Variants in FGF12 observed in about 807,000 individuals in gnomAD.
FGF12 encodes fibroblast growth factor 12B.
In FGF12, 14 loss-of-function variants were observed where a neutral mutation model predicts 23.6. The observed-to-expected ratio is 0.59, with a 90% CI of 0.39 to 0.93. The LOEUF (loss-of-function observed/expected upper bound fraction) is 0.93. Among genes scored for constraint, FGF12 ranks in the 40% least tolerant of loss-of-function variants. The pLI is 0.00. For missense variants in FGF12, 175 were observed against 217.8 expected (o/e 0.80, Z 1.24); for synonymous variants, 62 against 77.3 (o/e 0.80, Z 1.04).
intron 4 of FGF12, among the ~76,000 whole-genome samples, chr3:192,222,355 G>A (rs1238669626): frequency 6.6e-6 from 1 of 152,152 alleles, no homozygotes; most frequent in East Asian, 1.9e-4. Context: ...AGAATGTCCA[G>A]AGGAAAATCA....
chr3:192,634,682 C>T (rs1485479116), intron 2 of FGF12, among the ~76,000 whole-genome samples: 1 of 151,830 alleles, frequency 6.6e-6, no homozygotes, highest in Admixed American at 6.6e-5. Context: ...AGAAGGTGTA[C>T]AATAAATCAC....
chr3:192,701,783 T>A (rs1454043793), intron 2 of FGF12, among the ~76,000 whole-genome samples: 1 of 152,198 alleles, frequency 6.6e-6, no homozygotes, highest in Non-Finnish European at 1.5e-5. Flanking sequence ...ATATTTAAAG[T>A]ATACAACATG....
rs1713409401 is a variant in FGF12, at chr3:192,141,862, C to T, written c.*2147G>A. On this transcript the variant is annotated 3_prime_UTR_variant, in exon 6 of 6. Coordinates refer to ENST00000445105, the MANE Select transcript of FGF12 (RefSeq NM_004113.6). Reference sequence around the variant, plus strand: ...CATTTCATGCTAAAAGAGCCAGTGTCCCATAGTGTTGAAGTTTCTTTTTTA... The same window carrying T: ...CATTTCATGCTAAAAGAGCCAGTGTTCCATAGTGTTGAAGTTTCTTTTTTA... The T allele has an allele frequency of 1.3e-5, 2 of 151,658 alleles. No individual in the cohort carries two copies. Among genetic ancestry groups the T allele is most frequent in the Non-Finnish European group, 2.9e-5 (2 of 67,832 alleles). The allele number at this position is 151,658 out of a possible 1,614,324, so 9.4% of individuals were successfully genotyped here.
At chr3:192,504,412 C>A (rs1334533947) in intron 2 of FGF12, among the ~76,000 whole-genome samples, 3 of 152,226 alleles carry the variant, frequency 2.0e-5, no homozygotes, top group Non-Finnish European at 4.4e-5. Context: ...TTAACATTTG[C>A]TCTCTCACTT....
chr3:192,666,391 G>A (rs1298891682), intron 2 of FGF12, among the ~76,000 whole-genome samples: 1 of 152,122 alleles, frequency 6.6e-6, no homozygotes, highest in Non-Finnish European at 1.5e-5. Context: ...ATTTCCAGAA[G>A]GATTTACAAG....
At chr3:192,686,815 A>ATTTTTTTTTTTTTTTTTTT (rs57045697) in intron 2 of FGF12, among the ~76,000 whole-genome samples, 1 of 61,434 alleles carries the variant, frequency 1.6e-5, no homozygotes, top group African/African-American at 8.2e-5. Flanking sequence ...TTTTTCTCTA[A>ATTTTTTTTTTTTTTTTTTT]TTTTTTTTTT....
intron 2 of FGF12, among the ~76,000 whole-genome samples, chr3:192,460,122 G>A (rs1274259989): frequency 6.6e-6 from 1 of 152,106 alleles, no homozygotes; most frequent in East Asian, 1.9e-4. Context: ...CCTTGTGGGA[G>A]GGGGGAGTTA....
intron 2 of FGF12, among the ~76,000 whole-genome samples, chr3:192,704,336 G>C (rs559644361): frequency 6.6e-6 from 1 of 152,286 alleles, no homozygotes; most frequent in East Asian, 1.9e-4. Flanking sequence ...TGGCTGTTGT[G>C]TTAGCAGGCA....
At chr3:192,391,549 G>A (rs1452231633) in intron 2 of FGF12, among the ~76,000 whole-genome samples, 1 of 152,176 alleles carries the variant, frequency 6.6e-6, no homozygotes. Flanking sequence ...AATCTGGACT[G>A]AAGGTATTTT....
intron 2 of FGF12, among the ~76,000 whole-genome samples, chr3:192,465,039 AT>A (rs1722972058): frequency 6.6e-6 from 1 of 152,228 alleles, no homozygotes; most frequent in Non-Finnish European, 1.5e-5. Context: ...TACAACTTCA[AT>A]TTAACATTAT....
intron 2 of FGF12, among the ~76,000 whole-genome samples, chr3:192,577,116 A>G (rs1304140340): frequency 1.3e-5 from 2 of 152,168 alleles, no homozygotes; most frequent in East Asian, 1.9e-4. Flanking sequence ...ATGATGGGTT[A>G]ATGGGTGCAG....
At chr3:192,241,302 G>A (rs1314573509) in intron 4 of FGF12, among the ~76,000 whole-genome samples, 1 of 152,142 alleles carries the variant, frequency 6.6e-6, no homozygotes, top group Non-Finnish European at 1.5e-5. Flanking sequence ...TTAAATGACT[G>A]GGTGGGAGAG....
intron 2 of FGF12, among the ~76,000 whole-genome samples, chr3:192,574,248 G>A (rs1000553013): frequency 7.9e-5 from 12 of 152,194 alleles, no homozygotes; most frequent in African/African-American, 2.9e-4. Context: ...CAAAGCCTCA[G>A]AGGAGAAAAA....
chr3:192,581,480 GTGTGTGTATATA>G (rs1397822493), intron 2 of FGF12, among the ~76,000 whole-genome samples: 6 of 75,820 alleles, frequency 7.9e-5, no homozygotes, highest in East Asian at 9.9e-4. Context: ...ATATATGTGT[GTGTGTGTATATA>G]TATATATATA....
chr3:192,256,279 A>G (rs1160409513), intron 4 of FGF12, among the ~76,000 whole-genome samples: 1 of 151,940 alleles, frequency 6.6e-6, no homozygotes, highest in African/African-American at 2.4e-5. Flanking sequence ...CCAAGTATAC[A>G]TTGTTCCTTT....
chr3:192,316,747 G>A (rs1716246062), intron 4 of FGF12, among the ~76,000 whole-genome samples: 1 of 152,162 alleles, frequency 6.6e-6, no homozygotes, highest in Admixed American at 6.5e-5. Flanking sequence ...ATGTGACCTA[G>A]TGAGACACCA....
intron 4 of FGF12, among the ~76,000 whole-genome samples, chr3:192,298,860 T>C (rs112229495): frequency 3.4e-4 from 52 of 152,288 alleles, no homozygotes; most frequent in African/African-American, 1.3e-3. Flanking sequence ...TGGAAGGAGA[T>C]GTGGGAGGTG....
intron 2 of FGF12, among the ~76,000 whole-genome samples, chr3:192,492,927 T>C (rs1315565820): frequency 1.3e-5 from 2 of 151,662 alleles, no homozygotes; most frequent in African/African-American, 4.8e-5. Context: ...ACCACAGGCA[T>C]GTGCTATCAT....
At chr3:192,302,667 C>T (rs1233525574) in intron 4 of FGF12, among the ~76,000 whole-genome samples, 1 of 152,144 alleles carries the variant, frequency 6.6e-6, no homozygotes, top group African/African-American at 2.4e-5. Flanking sequence ...AAACAGTGAG[C>T]ATAAAGAGTT....
Sources: allele counts gnomAD v4.1 joint callset (sites outside exome capture counted in the v4.1 genomes callset), GRCh38; gene constraint gnomAD v4.1.1; transcripts MANE v1.5; gene names NCBI Gene and HGNC (gene_info 2026-07-23, HGNC 2026-07-21).